The following FAM240A variants were observed in gnomAD, a reference collection of about 807,000 sequenced individuals.
The protein encoded by FAM240A is family with sequence similarity 240 member A, also known as protein FAM240A.
Under a neutral mutation model 7.3 loss-of-function variants are expected in FAM240A, and 8 were observed. That is an observed-to-expected ratio of 1.09 (90% CI 0.64 to 1.97). The LOEUF (loss-of-function observed/expected upper bound fraction) is 1.97. FAM240A is among the 30% of genes most tolerant of loss of function. FAM240A has a pLI of 0.00. For missense variants in FAM240A, 90 were observed against 102.2 expected (o/e 0.88, Z 0.52); for synonymous variants, 32 against 35.9 (o/e 0.89, Z 0.38).
chr3:46,620,435 A>T (rs1260426374), intron 2 of FAM240A, among the ~76,000 whole-genome samples: 1 of 151,006 alleles, frequency 6.6e-6, no homozygotes, highest in Admixed American at 6.6e-5. Flanking sequence ...ACATCAAAAA[A>T]GGTGATCTAT....
intron 1 of FAM240A, among the ~76,000 whole-genome samples, chr3:46,615,850 G>A (rs76611604): frequency 0.05 from 7,493 of 150,312 alleles, 224 homozygotes; most frequent in Non-Finnish European, 0.07. Flanking sequence ...ATGTGTGCAC[G>A]CACACACACA....
At chr3:46,618,423 C>T (rs1385425877) in intron 2 of FAM240A, among the ~76,000 whole-genome samples, 1 of 152,208 alleles carries the variant, frequency 6.6e-6, no homozygotes, top group African/African-American at 2.4e-5. Flanking sequence ...AGGCAAAAGG[C>T]TTCAGGTGAA....
chr3:46,617,979 C>T (rs1002950136), intron 2 of FAM240A, among the ~76,000 whole-genome samples: 4 of 152,242 alleles, frequency 2.6e-5, no homozygotes, highest in Non-Finnish European at 4.4e-5. Flanking sequence ...CACACACACA[C>T]TGCAGAAAGC....
Position 46,624,963 on chromosome 3 carries a change from T to TTATATATA in FAM240A, c.162-153_162-146dup, listed in dbSNP as rs10539495. The stretch of plus-strand genomic sequence containing the variant: ...ATATAAATAAATAAATATGAATAAA[T>TTATATATA]TATATATATATATATATATTTAAAC... On this transcript the variant is annotated intron_variant, in intron 2 of 2. Coordinates refer to ENST00000640551, the MANE Select transcript of FAM240A (RefSeq NM_001195442.2). Among the ~76,000 whole-genome samples, 657 of 146,626 alleles carry TTATATATA rather than the reference T, an allele frequency of 4.5e-3. 7 individuals are homozygous for TTATATATA. Among genetic ancestry groups the TTATATATA allele is most frequent in the African/African-American group, 0.016 (636 of 40,224 alleles).
intron 1 of FAM240A, among the ~76,000 whole-genome samples, chr3:46,615,260 TC>T (rs1697614549): frequency 6.6e-6 from 1 of 151,884 alleles, no homozygotes; most frequent in African/African-American, 2.4e-5. Context: ...CTCCAGTGCT[TC>T]CCCCTGGGGG....
At chr3:46,617,711 A>G (rs1224894418) in intron 2 of FAM240A, among the ~76,000 whole-genome samples, 2 of 152,212 alleles carry the variant, frequency 1.3e-5, no homozygotes, top group East Asian at 3.8e-4. Context: ...ATGAGGTTAC[A>G]CTAAATGGGG....
chr3:46,623,495 T>A (rs1304803512), intron 2 of FAM240A, among the ~76,000 whole-genome samples: 1 of 152,214 alleles, frequency 6.6e-6, no homozygotes, highest in Non-Finnish European at 1.5e-5. Context: ...AAATCTCTGC[T>A]ATAAATACAG....
At chr3:46,623,926 T>C (rs1361994475) in intron 2 of FAM240A, among the ~76,000 whole-genome samples, 4 of 152,226 alleles carry the variant, frequency 2.6e-5, no homozygotes, top group African/African-American at 7.2e-5. Context: ...CCTCTATTTC[T>C]CTCATCTGTT....
At chr3:46,622,391 CCACCGCGCCCGG>C (rs1275818921) in intron 2 of FAM240A, among the ~76,000 whole-genome samples, 1 of 152,040 alleles carries the variant, frequency 6.6e-6, no homozygotes, top group Non-Finnish European at 1.5e-5. Flanking sequence ...CAGGTGTGAG[CCACCGCGCCCGG>C]CTGAGAAAAA....
Position 46,625,320 on chromosome 3 carries a change from T to G in FAM240A, c.*102T>G. The G allele has an allele frequency of 9.0e-6, 7 of 774,882 alleles. No homozygotes were observed. The highest frequency in any genetic ancestry group is 1.4e-5 in the Non-Finnish European group (7 of 488,820). 48.0% of individuals were successfully genotyped at this position (774,882 alleles called of 1,614,324 possible). On this transcript the variant is annotated 3_prime_UTR_variant, in exon 3 of 3. Coordinates refer to ENST00000640551, the MANE Select transcript of FAM240A (RefSeq NM_001195442.2). ...GTCCCTTTGCTATACCAATCAGCTC[T>G]CACACTATTGTTTCCCCACCTGGGA...
At chr3:46,618,248 G>A (rs376171073) in intron 2 of FAM240A, among the ~76,000 whole-genome samples, 4 of 152,298 alleles carry the variant, frequency 2.6e-5, no homozygotes, top group African/African-American at 9.6e-5. Flanking sequence ...CACTTATAGA[G>A]ACCTGCTCAG....
intron 2 of FAM240A, among the ~76,000 whole-genome samples, chr3:46,618,832 C>A (rs978176695): frequency 4.0e-4 from 60 of 149,134 alleles, no homozygotes; most frequent in African/African-American, 1.5e-3. Flanking sequence ...AAGAGCAAAA[C>A]TCTGTCTCAA....
chr3:46,614,642 C>T (rs552622522), intron 1 of FAM240A, among the ~76,000 whole-genome samples: 3 of 152,344 alleles, frequency 2.0e-5, no homozygotes, highest in South Asian at 2.1e-4. Context: ...TTATCTCTGA[C>T]GTATCAGAAG....
Position 46,612,688 on chromosome 3 carries a change from G to A in FAM240A, c.5G>A (p.Arg2Gln), listed in dbSNP as rs185687131. 4.0e-5 allele frequency: 62 copies of A among 1,535,496 alleles called. No individual in the cohort carries two copies. In the Middle Eastern group the frequency reaches 1.0e-3, roughly 25 times the overall value. M[R>Q]LFSGMNNQYT... Reference sequence around the variant, plus strand: ...TCGATGTCTTCACATCCCTTCATGCGGTTGTTCTCTGTAAGTGTTAATTAA... The same window carrying A: ...TCGATGTCTTCACATCCCTTCATGCAGTTGTTCTCTGTAAGTGTTAATTAA... Residue 2 changes from arginine to glutamine, a missense_variant, in exon 1 of 3, where the codon CGG (arginine) becomes CAG (glutamine). Coordinates refer to ENST00000640551, the MANE Select transcript of FAM240A (RefSeq NM_001195442.2).
intron 2 of FAM240A, among the ~76,000 whole-genome samples, chr3:46,618,013 C>T (rs1697650313): frequency 1.3e-5 from 2 of 152,190 alleles, no homozygotes; most frequent in East Asian, 1.9e-4. Context: ...AGGGAGGGAC[C>T]GCCCTTTTGA....
chr3:46,612,734 A>G (rs950325628), intron 1 of FAM240A, 36 bp downstream of exon 1: 2 of 1,503,548 alleles, frequency 1.3e-6, no homozygotes, highest in African/African-American at 2.8e-5. Context: ...TTGTGAAGTA[A>G]AATTCCTAAT....
At position 46,625,203 on chromosome 3, in the gene FAM240A, G is replaced by A; in HGVS notation, c.237G>A (p.Arg79=). 6.5e-7 allele frequency: 1 copy of A among 1,532,888 alleles called. No individual in the cohort carries two copies. The highest frequency in any genetic ancestry group is 8.7e-7 in the Non-Finnish European group (1 of 1,145,008). The allele number at this position is 1,532,888 out of a possible 1,614,324, so 95.0% of individuals were successfully genotyped here. A position where few individuals can be genotyped will look rare whatever the true frequency, so the allele number is the denominator to read the frequency against. ...LRNNPEDTEK[R]TNVG is the part of the protein sequence containing the mutation. ...ACAATCCAGAGGACACTGAAAAGAG[G>A]ACAAATGTTGGCTGAGAGCTTCCTG... Residue 79 remains arginine (R), a synonymous_variant, in exon 3 of 3, where the codon AGG becomes AGA. Transcript: ENST00000640551.
chr3:46,613,314 C>T (rs576688688), intron 1 of FAM240A, among the ~76,000 whole-genome samples: 4 of 151,790 alleles, frequency 2.6e-5, no homozygotes, highest in South Asian at 2.1e-4. Context: ...GCCAACATGG[C>T]GAAACCCTGT....
chr3:46,615,292 A>G (rs1697615252), intron 1 of FAM240A, among the ~76,000 whole-genome samples: 1 of 150,838 alleles, frequency 6.6e-6, no homozygotes, highest in Admixed American at 6.6e-5. Flanking sequence ...GAAAACTCAA[A>G]CTCCATCCAT....
Sources: allele counts gnomAD v4.1 joint callset (sites outside exome capture counted in the v4.1 genomes callset), GRCh38; gene constraint gnomAD v4.1.1; transcripts MANE v1.5; gene names NCBI Gene and HGNC (gene_info 2026-07-23, HGNC 2026-07-21).